Variants in AUTS2 observed in about 807,000 individuals in gnomAD.
The protein encoded by AUTS2 is autism susceptibility gene 2 protein.
Under a neutral mutation model 112.4 loss-of-function variants are expected in AUTS2, and 17 were observed. The ratio of observed to expected loss-of-function variants is 0.15; its 90% CI spans 0.10 to 0.23. The LOEUF is 0.23. Ranked by LOEUF, AUTS2 falls within the 10% of genes least tolerant of loss-of-function variation. The probability of loss-of-function intolerance (pLI) is 1.00; values close to 1 mark genes in which losing one functional copy is unlikely to be tolerated. For synonymous variants in AUTS2, 751 were observed against 702.7 expected (o/e 1.07, Z -1.09); for missense variants, 1,510 against 1,701.6 (o/e 0.89, Z 1.98).
chr7:70,615,082 T>C (rs1486604483), intron 5 of AUTS2, among the ~76,000 whole-genome samples: 2 of 152,192 alleles, frequency 1.3e-5, no homozygotes, highest in African/African-American at 4.8e-5. Context: ...GCTGGCTACA[T>C]TGAGGTTAAT....
intron 5 of AUTS2, among the ~76,000 whole-genome samples, chr7:70,625,113 T>G (rs1025264348): frequency 6.6e-6 from 1 of 152,170 alleles, no homozygotes; most frequent in Non-Finnish European, 1.5e-5. Flanking sequence ...CTCTGGACTT[T>G]CCCTTTACAG....
chr7:70,578,603 G>A (rs541814638), intron 5 of AUTS2, among the ~76,000 whole-genome samples: 1 of 152,310 alleles, frequency 6.6e-6, no homozygotes, highest in Admixed American at 6.5e-5. Context: ...TTGCCATTGA[G>A]TTCACTGTAA....
intron 5 of AUTS2, among the ~76,000 whole-genome samples, chr7:70,677,114 T>C (rs948556691): frequency 1.3e-5 from 2 of 152,154 alleles, no homozygotes; most frequent in African/African-American, 2.4e-5. Context: ...CTCTAACACA[T>C]CTGCCATTTT....
At chr7:70,777,222 G>C in intron 14 of AUTS2, 48 bp downstream of exon 14, 2 of 1,529,356 alleles carry the variant, frequency 1.3e-6, no homozygotes, top group Non-Finnish European at 1.8e-6. Flanking sequence ...GCACATGTGA[G>C]TGTGTGACGT....
intron 6 of AUTS2, among the ~76,000 whole-genome samples, chr7:70,738,394 GC>G (rs1277155988): frequency 6.7e-6 from 1 of 148,560 alleles, no homozygotes; most frequent in Non-Finnish European, 1.5e-5. Context: ...TTCTCTTGGA[GC>G]AAAAAGTTGG....
chr7:70,527,530 A>G (rs2129496597), intron 5 of AUTS2, among the ~76,000 whole-genome samples: 1 of 152,308 alleles, frequency 6.6e-6, no homozygotes, highest in Non-Finnish European at 1.5e-5. Context: ...GCCCACCAAG[A>G]AAAGGAGCCG....
chr7:69,620,131 T>C (rs1243598053), intron 1 of AUTS2, among the ~76,000 whole-genome samples: 1 of 152,204 alleles, frequency 6.6e-6, no homozygotes, highest in Non-Finnish European at 1.5e-5. Context: ...ACAGTAAGGT[T>C]CAAGCTTAGG....
intron 2 of AUTS2, among the ~76,000 whole-genome samples, chr7:69,952,618 C>T (rs903738505): frequency 6.6e-6 from 1 of 152,110 alleles, no homozygotes; most frequent in Admixed American, 6.5e-5. Flanking sequence ...AGAACTGTAG[C>T]ATTGGACTAG....
chr7:70,235,436 C>T (rs1214266312), intron 4 of AUTS2, among the ~76,000 whole-genome samples: 1 of 152,132 alleles, frequency 6.6e-6, no homozygotes, highest in Non-Finnish European at 1.5e-5. Flanking sequence ...CCCCACCCAA[C>T]CTAAAGTTGT....
At chr7:70,651,710 G>A (rs754584088) in intron 5 of AUTS2, among the ~76,000 whole-genome samples, 2 of 152,160 alleles carry the variant, frequency 1.3e-5, no homozygotes, top group African/African-American at 4.8e-5. Flanking sequence ...TCGAAAAATC[G>A]TAAGCTGAGC....
intron 5 of AUTS2, among the ~76,000 whole-genome samples, chr7:70,643,358 G>T (rs916203156): frequency 2.0e-5 from 3 of 152,234 alleles, no homozygotes; most frequent in Non-Finnish European, 4.4e-5. Context: ...AGATCATGAA[G>T]TCAAGAGATC....
intron 4 of AUTS2, among the ~76,000 whole-genome samples, chr7:70,260,488 T>C (rs1584944618): frequency 6.6e-6 from 1 of 151,892 alleles, no homozygotes; most frequent in Non-Finnish European, 1.5e-5. Flanking sequence ...TTCTTGGTGG[T>C]GGGGACTTTC....
chr7:70,389,965 C>T (rs867142265), intron 4 of AUTS2, among the ~76,000 whole-genome samples: 1 of 152,182 alleles, frequency 6.6e-6, no homozygotes, highest in Non-Finnish European at 1.5e-5. Flanking sequence ...CAGACACAGA[C>T]ATGCATATTT....
chr7:70,638,550 A>C (rs1805642717), intron 5 of AUTS2, among the ~76,000 whole-genome samples: 2 of 150,990 alleles, frequency 1.3e-5, no homozygotes, highest in Non-Finnish European at 2.9e-5. Flanking sequence ...GTTCCCGATC[A>C]CTCACTGGAA....
chr7:69,877,011 C>T lies in AUTS2; in HGVS notation c.310-22275C>T, dbSNP rs75832990. ...TGTTACCTAGAGGTCCATGGCCCTTCTGAAGTCTTCATTATGTTGTTAGTT... is the reference window on the plus strand; with the variant it reads ...TGTTACCTAGAGGTCCATGGCCCTTTTGAAGTCTTCATTATGTTGTTAGTT... On this transcript the variant is annotated intron_variant, in intron 1 of 18. Transcript: ENST00000342771. 7.1e-3 allele frequency among the ~76,000 whole-genome samples: 1,081 copies of T among 152,258 alleles called. 4 individuals are homozygous for T. Among genetic ancestry groups the T allele is most frequent in the Non-Finnish European group, 0.011 (756 of 68,016 alleles).
At chr7:69,638,826 A>G (rs1358781284) in intron 1 of AUTS2, among the ~76,000 whole-genome samples, 1 of 152,234 alleles carries the variant, frequency 6.6e-6, no homozygotes, top group Non-Finnish European at 1.5e-5. Flanking sequence ...AGCAAAGCAA[A>G]GGCTTCACCA....
intron 1 of AUTS2, among the ~76,000 whole-genome samples, chr7:69,691,865 T>C (rs912382563): frequency 5.3e-5 from 8 of 152,246 alleles, no homozygotes; most frequent in African/African-American, 1.7e-4. Flanking sequence ...AGATTTTTTT[T>C]TGTCTCTTAC....
intron 1 of AUTS2, among the ~76,000 whole-genome samples, chr7:69,680,876 G>A (rs185466037): frequency 3.0e-4 from 45 of 152,156 alleles, no homozygotes; most frequent in Admixed American, 9.8e-4. Flanking sequence ...CACCATATTG[G>A]CCAGGCTGGC....
At chr7:69,819,434 G>A (rs6460530) in intron 1 of AUTS2, among the ~76,000 whole-genome samples, 152,247 of 152,310 alleles carry the variant, frequency 1, 76,092 homozygotes, top group Middle Eastern at 1. Context: ...AACATTTCTT[G>A]GGGAAGTTTT....
Sources: gnomAD v4.1 joint callset for allele counts (sites outside exome capture counted in the v4.1 genomes callset) on GRCh38, gnomAD v4.1.1 for gene constraint, MANE v1.5 for transcripts, NCBI Gene and HGNC (gene_info 2026-07-23, HGNC 2026-07-21) for gene names.